The following TOM1 variants were observed in gnomAD, a reference collection of about 807,000 sequenced individuals.
TOM1 encodes the protein target of myb1 membrane trafficking protein.
A neutral mutation model predicts 61.3 loss-of-function variants in TOM1; 38 were observed. That is an observed-to-expected ratio of 0.62 (90% confidence interval 0.48 to 0.81). The LOEUF is 0.81. Ranked by LOEUF, TOM1 falls within the 40% of genes least tolerant of loss-of-function variation. The probability of loss-of-function intolerance (pLI) is 0.00; values close to 1 mark genes in which losing one functional copy is unlikely to be tolerated. For synonymous variants in TOM1, 270 were observed against 268.8 expected (o/e 1.00, Z -0.04); for missense variants, 591 against 659.6 (o/e 0.90, Z 1.14).
Position 35,323,061 on chromosome 22 carries a change from C to A in TOM1, c.250C>A (p.Arg84Ser), listed in dbSNP as rs759425193. 6.2e-7 allele frequency: 1 copy of A among 1,614,020 alleles called. No homozygotes were observed. Among genetic ancestry groups the A allele is most frequent in the Non-Finnish European group, 8.5e-7 (1 of 1,180,044 alleles). Residue 84 changes from arginine (R) to serine (S), a missense_variant, in exon 4 of 15, where the codon CGC (arginine) becomes AGC (serine). By Grantham distance (110) the Arg-to-Ser change is moderately radical. Coordinates refer to ENST00000449058, the MANE Select transcript of TOM1 (RefSeq NM_005488.3). The surrounding 1 kb of genome is among the most constrained non-coding windows in gnomAD (Gnocchi z 4.2). ...AACCTGTGTCAAGAACTGCGGGCACCGCTTCCACGTGCTGGTGGCCAGCCA... is the reference window on the plus strand; with the variant it reads ...AACCTGTGTCAAGAACTGCGGGCACAGCTTCCACGTGCTGGTGGCCAGCCA... The part of the protein sequence containing the change: ...LETCVKNCGH[R>S]FHVLVASQDF...
intron 1 of TOM1, among the ~76,000 whole-genome samples, chr22:35,304,848 G>A (rs1926179218): frequency 6.6e-6 from 1 of 152,220 alleles, no homozygotes; most frequent in African/African-American, 2.4e-5. Flanking sequence ...TTACCCCTAA[G>A]CACTTGGAGT....
In TOM1 at chr22:35,299,996, CCCCCACAGCTCCG is replaced by C. The variant is rs1569013333; in HGVS notation, c.52+21_52+33del. On this transcript the variant is annotated intron_variant, in intron 1 of 14. Transcript: ENST00000449058. ...CAGCGCATCGGTGAGTCCCTGGAGCCCCCCACAGCTCCGCCCCGGTGCTCCGCACCCAGCTTCG... is the reference window on the plus strand; with the variant it reads ...CAGCGCATCGGTGAGTCCCTGGAGCCCCCCGGTGCTCCGCACCCAGCTTCG... 7 of 1,562,924 alleles carry C rather than the reference CCCCCACAGCTCCG, an allele frequency of 4.5e-6. No individual in the cohort carries two copies. Among genetic ancestry groups the C allele is most frequent in the Middle Eastern group, 1.7e-4 (1 of 5,986 alleles).
At chr22:35,326,834 TTCTAGGAGAGAGGGCGGAATCCCAGTCC>T (rs1435260282) in intron 6 of TOM1, among the ~76,000 whole-genome samples, 1 of 148,876 alleles carries the variant, frequency 6.7e-6, no homozygotes, top group Non-Finnish European at 1.5e-5. Flanking sequence ...GATCCCAGTC[TTCTAGGAGAGAGGGCGGAATCCCAGTCC>T]TCTAGGAGGA....
At chr22:35,300,021 C>A (rs113925847) in intron 1 of TOM1, 41 bp downstream of exon 1, 6 of 1,550,754 alleles carry the variant, frequency 3.9e-6, no homozygotes, top group Non-Finnish European at 5.2e-6. Context: ...CCCGGTGCTC[C>A]GCACCCAGCT....
intron 1 of TOM1, among the ~76,000 whole-genome samples, chr22:35,302,626 C>G (rs780573900): frequency 2.6e-5 from 4 of 152,088 alleles, no homozygotes; most frequent in African/African-American, 9.7e-5. Context: ...CCACCGTGTC[C>G]GGCCTAGAAT....
intron 11 of TOM1, among the ~76,000 whole-genome samples, chr22:35,338,338 A>G (rs533147250): frequency 3.3e-5 from 5 of 152,256 alleles, no homozygotes; most frequent in Admixed American, 3.3e-4. Flanking sequence ...GACCTCATAC[A>G]CAACCACAGT....
At chr22:35,299,539 AC>A (rs1317728403), upstream of TOM1, 1 of 233,916 alleles carries the variant, frequency 4.3e-6, no homozygotes, top group African/African-American at 2.4e-5. Flanking sequence ...AAGGGCTATG[AC>A]CCTAAGAGTC....
chr22:35,320,987 G>GGAAAAAAAAAAAAA (rs1555893929), intron 2 of TOM1, among the ~76,000 whole-genome samples: 1 of 88,952 alleles, frequency 1.1e-5, no homozygotes, highest in African/African-American at 3.5e-5. Context: ...GTCTCAGAAG[G>GGAAAAAAAAAAAAA]AAAAAAAAAA....
At chr22:35,328,951 T>C (rs1436230160) in intron 7 of TOM1, among the ~76,000 whole-genome samples, 1 of 152,058 alleles carries the variant, frequency 6.6e-6, no homozygotes, top group Non-Finnish European at 1.5e-5. Context: ...ATGGCTATGG[T>C]TTTTTATTTT....
In TOM1 at chr22:35,338,758, C is replaced by T; in HGVS notation, c.1194C>T (p.Ala398=). The change falls in exon 12 of 15, where the codon GCC becomes GCT. Residue 398 remains alanine (A), a synonymous_variant. Coordinates refer to ENST00000449058, the MANE Select transcript of TOM1 (RefSeq NM_005488.3). The part of the protein sequence containing the change: ...APQATDGLAG[A]LDARQQSTGA... Reference sequence around the variant, plus strand: ...AAGCAACAGACGGCCTGGCTGGAGCCCTGGACGCCCGGCAGCAGAGCACTG... The same window carrying T: ...AAGCAACAGACGGCCTGGCTGGAGCTCTGGACGCCCGGCAGCAGAGCACTG... 5 of 1,601,702 alleles carry T rather than the reference C, an allele frequency of 3.1e-6. No homozygotes were observed. The highest frequency in any genetic ancestry group is 4.3e-6 in the Non-Finnish European group (5 of 1,175,086).
At chr22:35,301,048 C>CAAAAAAAAA (rs139553640) in intron 1 of TOM1, among the ~76,000 whole-genome samples, 12 of 111,236 alleles carry the variant, frequency 1.1e-4, no homozygotes, top group African/African-American at 4.2e-4. Context: ...CCCGTCTCTA[C>CAAAAAAAAA]AAAAAAAAAA....
chr22:35,300,079 G>A, intron 1 of TOM1, 99 bp downstream of exon 1: 1 of 1,375,240 alleles, frequency 7.3e-7, no homozygotes, highest in Non-Finnish European at 1.0e-6. Context: ...AGGCAGGGAG[G>A]GCAAGGAGGC....
chr22:35,320,731 G>T (rs577720219), intron 2 of TOM1, among the ~76,000 whole-genome samples: 1 of 152,048 alleles, frequency 6.6e-6, no homozygotes, highest in Non-Finnish European at 1.5e-5. Context: ...GGATCTCCCC[G>T]CAAGGTGGGG....
At chr22:35,303,766 G>A (rs138742) in intron 1 of TOM1, among the ~76,000 whole-genome samples, 76,845 of 151,514 alleles carry the variant, frequency 0.51, 22,494 homozygotes, top group Non-Finnish European at 0.65. Context: ...CCAAAGTGCT[G>A]GGATTGCAGG....
chr22:35,323,194 G>A lies in TOM1; in HGVS notation c.366+17G>A. 6.2e-7 allele frequency: 1 copy of A among 1,612,134 alleles called. No homozygotes were observed. The highest frequency in any genetic ancestry group is 8.5e-7 in the Non-Finnish European group (1 of 1,179,906). ...CTCATCCAGGTGAGTGCCAGGACAG[G>A]GCAGGGCACGGCCAGGAAGAGCTGT... On this transcript the variant is annotated intron_variant, in intron 4 of 14. Coordinates refer to ENST00000449058, the MANE Select transcript of TOM1 (RefSeq NM_005488.3). The surrounding 1 kb of genome is among the most constrained non-coding windows in gnomAD (Gnocchi z 4.2).
intron 6 of TOM1, among the ~76,000 whole-genome samples, chr22:35,326,106 TTAAG>T (rs1298976629): frequency 6.6e-6 from 1 of 152,184 alleles, no homozygotes; most frequent in African/African-American, 2.4e-5. Flanking sequence ...TGGTAAAAAA[TTAAG>T]TTAGCAATAT....
Position 35,322,255 on chromosome 22 carries a change from C to T in TOM1, c.216+218C>T, listed in dbSNP as rs140122879. The T allele has an allele frequency of 1.4e-4, 80 of 557,748 alleles. 1 individual carries two copies. Among genetic ancestry groups the T allele is most frequent in the Middle Eastern group, 4.8e-4 (1 of 2,096 alleles). 34.5% of individuals were successfully genotyped at this position (557,748 alleles called of 1,614,324 possible). ...CCCAATCCCCCAGCATGGGAACAGA[C>T]GCTTACATCACTCCAGAACCACTGG... On this transcript the variant is annotated intron_variant, in intron 3 of 14. Coordinates refer to ENST00000449058, the MANE Select transcript of TOM1 (RefSeq NM_005488.3).
chr22:35,334,554 G>A (rs1929125171), intron 11 of TOM1, 106 bp downstream of exon 11: 1 of 1,392,384 alleles, frequency 7.2e-7, no homozygotes, highest in Non-Finnish European at 1.0e-6. Flanking sequence ...CACGGACCCT[G>A]CTTAGTAAGC....
In TOM1 at chr22:35,338,666, G is replaced by T. The variant is rs768289372; in HGVS notation, c.1149-47G>T. On this transcript the variant is annotated intron_variant, in intron 11 of 14. Coordinates refer to ENST00000449058, the MANE Select transcript of TOM1 (RefSeq NM_005488.3). ...CCCAGCCCGCTCCGTTCTTGCATCA[G>T]CCATCGGTAAGGGCAGCATCCAATG... is the stretch of plus-strand genomic sequence containing the variant. 6.8e-6 allele frequency: 10 copies of T among 1,467,838 alleles called. No homozygotes were observed. The South Asian group carries it at 1.3e-4, about 20-fold the overall frequency. The allele number at this position is 1,467,838 out of a possible 1,614,324, so 90.9% of individuals were successfully genotyped here. A position where few individuals can be genotyped will look rare whatever the true frequency, so the allele number is the denominator to read the frequency against.
Sources: gnomAD v4.1 joint callset for allele counts (sites outside exome capture counted in the v4.1 genomes callset) on GRCh38, gnomAD v4.1.1 for gene constraint, Gnocchi (gnomAD v3.1) non-coding constraint, MANE v1.5 for transcripts, NCBI Gene and HGNC (gene_info 2026-07-23, HGNC 2026-07-21) for gene names.